Variants in STAU1 observed in about 807,000 individuals in gnomAD.
The protein encoded by STAU1 is double-stranded RNA-binding protein Staufen homolog 1.
A neutral mutation model predicts 62.9 loss-of-function variants in STAU1; 13 were observed. That is an observed-to-expected ratio of 0.21 (90% confidence interval 0.13 to 0.33). The LOEUF is 0.33. Among genes scored for constraint, STAU1 ranks in the 10% least tolerant of loss-of-function variants. STAU1 has a pLI of 1.00. For missense variants in STAU1, 571 were observed against 712.1 expected (o/e 0.80, Z 2.25); for synonymous variants, 269 against 265.1 (o/e 1.01, Z -0.14).
intron 2 of STAU1, among the ~76,000 whole-genome samples, chr20:49,172,115 G>C (rs2093604625): frequency 6.6e-6 from 1 of 152,128 alleles, no homozygotes; most frequent in South Asian, 2.1e-4. Context: ...TCTCACACTT[G>C]GCCCAATGCC....
chr20:49,208,921 C>G, the STAU1 span, among the ~76,000 whole-genome samples: 3 of 151,196 alleles, frequency 2.0e-5, no homozygotes, highest in African/African-American at 7.3e-5. Context: ...TGCGCCCGGC[C>G]GATCCTGTCT....
chr20:49,207,118 T>C, the STAU1 span, among the ~76,000 whole-genome samples: 1 of 151,904 alleles, frequency 6.6e-6, no homozygotes, highest in African/African-American at 2.4e-5. Context: ...CCCAGCTACT[T>C]AGGAGGCTGA....
chr20:49,149,045 G>A (rs1196872350), intron 5 of STAU1, among the ~76,000 whole-genome samples: 1 of 152,160 alleles, frequency 6.6e-6, no homozygotes. Flanking sequence ...GAGCTCAGGA[G>A]CTTGAGACCA....
chr20:49,209,022 GC>G, the STAU1 span, among the ~76,000 whole-genome samples: 3 of 151,584 alleles, frequency 2.0e-5, no homozygotes, highest in Non-Finnish European at 2.9e-5. Context: ...TGCAACCTCT[GC>G]CTCCCAGGCT....
Position 49,118,353 on chromosome 20 carries a change from G to C in STAU1, c.1169C>G (p.Ser390Cys), listed in dbSNP as rs2092381340. The stretch of plus-strand genomic sequence containing the variant: ...CTTACTAGTCCCATTTTCATCCCCA[G>C]AGCCAGGTTCAAAAAAGGTTACTTT... The part of the protein sequence containing the change: ...GRKVTFFEPG[S>C]GDENGTSNKE... Residue 390 changes from serine (S) to cysteine (C), a missense_variant, in exon 10 of 14, where the codon TCT becomes TGT. By Grantham distance (112) the Ser-to-Cys change is moderately radical. This residue lies in a region of STAU1 where 414 missense variants were observed against 499.6 expected (regional missense o/e 0.83). Transcript: ENST00000371856. The C allele has an allele frequency of 6.2e-7, 1 of 1,613,626 alleles. No individual in the cohort carries two copies. Among genetic ancestry groups the C allele is most frequent in the Non-Finnish European group, 8.5e-7 (1 of 1,179,846 alleles).
At chr20:49,129,113 A>T (rs189055139) in intron 6 of STAU1, among the ~76,000 whole-genome samples, 11 of 151,844 alleles carry the variant, frequency 7.2e-5, no homozygotes, top group Non-Finnish European at 1.6e-4. Flanking sequence ...TCAATAATAA[A>T]AAGACACTCA....
At chr20:49,139,236 C>T (rs1416239184) in intron 5 of STAU1, among the ~76,000 whole-genome samples, 1 of 152,014 alleles carries the variant, frequency 6.6e-6, no homozygotes, top group Non-Finnish European at 1.5e-5. Flanking sequence ...TAATATTAGA[C>T]TTCATCAAAA....
intron 5 of STAU1, among the ~76,000 whole-genome samples, chr20:49,140,172 G>A (rs1327275303): frequency 2.0e-5 from 3 of 150,088 alleles, no homozygotes; most frequent in Non-Finnish European, 4.4e-5. Flanking sequence ...GTGAGACTCC[G>A]TCTCAAAAAA....
chr20:49,206,052 C>T, the STAU1 span, among the ~76,000 whole-genome samples: 5 of 138,228 alleles, frequency 3.6e-5, no homozygotes, highest in Admixed American at 1.5e-4. Flanking sequence ...GGCACGATCT[C>T]GGCTCACTGT....
At chr20:49,211,911 T>C in the STAU1 span, among the ~76,000 whole-genome samples, 1 of 152,240 alleles carries the variant, frequency 6.6e-6, no homozygotes, top group African/African-American at 2.4e-5. Context: ...CAAACTGTTT[T>C]CCACACCAGC....
At position 49,114,868 on chromosome 20, in the gene STAU1, C is replaced by T. The variant is rs1418490319; in HGVS notation, c.*10G>A. ...TTGGGATTTTATAATGGTTCATGGC[C>T]AGAAAAGGTTCAGCACCTCCCACAC... On this transcript the variant is annotated 3_prime_UTR_variant, in exon 14 of 14. Coordinates refer to ENST00000371856, the MANE Select transcript of STAU1 (RefSeq NM_017453.4). The T allele has an allele frequency of 1.2e-6, 2 of 1,613,058 alleles. No homozygotes were observed. Among genetic ancestry groups the T allele is most frequent in the African/African-American group, 2.7e-5 (2 of 74,864 alleles).
chr20:49,192,664 G>T (rs547911084), upstream of STAU1, among the ~76,000 whole-genome samples: 2 of 152,116 alleles, frequency 1.3e-5, no homozygotes, highest in East Asian at 3.9e-4. Context: ...AGCCGGGTGT[G>T]GTGGCATGTG....
chr20:49,156,216 A>G (rs1449504135), intron 3 of STAU1, among the ~76,000 whole-genome samples: 1 of 152,184 alleles, frequency 6.6e-6, no homozygotes, highest in African/African-American at 2.4e-5. Flanking sequence ...TATTCTTGCT[A>G]ATCTATACAC....
intron 6 of STAU1, chr20:49,134,804 C>G: frequency 7.5e-7 from 1 of 1,326,558 alleles, no homozygotes; most frequent in Non-Finnish European, 1.1e-6. Flanking sequence ...TCCTGGAGAG[C>G]CTGGTTTTCC....
chr20:49,218,836 G>A, the STAU1 span, among the ~76,000 whole-genome samples: 2 of 151,746 alleles, frequency 1.3e-5, no homozygotes, highest in Non-Finnish European at 2.9e-5. Context: ...GAGCCCAGGA[G>A]TTCGACACCA....
chr20:49,212,264 C>T, the STAU1 span, among the ~76,000 whole-genome samples: 1 of 152,178 alleles, frequency 6.6e-6, no homozygotes, highest in Non-Finnish European at 1.5e-5. Flanking sequence ...TATGGGATTA[C>T]AGGCATGAGC....
At chr20:49,176,046 G>A (rs913059716) in intron 1 of STAU1, among the ~76,000 whole-genome samples, 50 of 149,696 alleles carry the variant, frequency 3.3e-4, no homozygotes, top group African/African-American at 4.9e-4. Flanking sequence ...CGCCCGCCTC[G>A]GCCTCCCAAA....
chr20:49,180,543 C>T (rs1484384354), intron 1 of STAU1, among the ~76,000 whole-genome samples: 4 of 152,142 alleles, frequency 2.6e-5, no homozygotes, highest in African/African-American at 4.8e-5. Flanking sequence ...AGGCTGGTCT[C>T]GAACTCCTGA....
At chr20:49,215,919 A>C in the STAU1 span, among the ~76,000 whole-genome samples, 2 of 148,802 alleles carry the variant, frequency 1.3e-5, no homozygotes, top group African/African-American at 5.0e-5. Flanking sequence ...GAGGCAGGAG[A>C]ATCATTTGAA....
Sources: gnomAD v4.1 joint callset for allele counts (sites outside exome capture counted in the v4.1 genomes callset) on GRCh38, gnomAD v4.1.1 for gene constraint, gnomAD v4.1.1 regional missense constraint, MANE v1.5 for transcripts, NCBI Gene and HGNC (gene_info 2026-07-23, HGNC 2026-07-21) for gene names.